The following SLC12A8 variants were observed in gnomAD, a reference collection of about 807,000 sequenced individuals.
SLC12A8 encodes the protein solute carrier family 12 member 8, also known as cation-chloride cotransporter 9.
A neutral mutation model predicts 75.6 loss-of-function variants in SLC12A8; 69 were observed. The ratio of observed to expected loss-of-function variants is 0.91; its 90% CI spans 0.75 to 1.11. SLC12A8 has a LOEUF of 1.11. Ranked by LOEUF, SLC12A8 falls within the 50% of genes most tolerant of loss-of-function variation. The pLI is 0.00. For missense variants in SLC12A8, 877 were observed against 896.7 expected, an observed-to-expected ratio of 0.98 and a Z score of 0.28; for synonymous variants, 365 against 372.8, an observed-to-expected ratio of 0.98 and a Z score of 0.24.
chr3:125,153,186 C>A (rs548265922), intron 5 of SLC12A8, among the ~76,000 whole-genome samples: 44 of 152,328 alleles, frequency 2.9e-4, no homozygotes, highest in African/African-American at 1.0e-3. Context: ...CCCAGTCAGT[C>A]ACTCAGCAAA....
At chr3:125,110,396 C>T (rs755540636) in intron 8 of SLC12A8, 61 bp from the exon 9 acceptor site, 2 of 1,553,570 alleles carry the variant, frequency 1.3e-6, no homozygotes, top group Non-Finnish European at 1.8e-6. Context: ...TTTCTACCCC[C>T]CCAGCACCCA....
At chr3:125,148,816 C>A (rs556639972) in intron 5 of SLC12A8, among the ~76,000 whole-genome samples, 1 of 152,328 alleles carries the variant, frequency 6.6e-6, no homozygotes, top group Non-Finnish European at 1.5e-5. Context: ...TACAGACCCA[C>A]CATCCTGCCT....
chr3:125,118,020 G>A (rs953110583), intron 8 of SLC12A8, among the ~76,000 whole-genome samples: 3 of 152,208 alleles, frequency 2.0e-5, no homozygotes, highest in Non-Finnish European at 2.9e-5. Context: ...GCTTCCGCCC[G>A]CTCCCTCCAC....
At chr3:125,142,452 G>T (rs1366320389) in intron 5 of SLC12A8, among the ~76,000 whole-genome samples, 1 of 152,196 alleles carries the variant, frequency 6.6e-6, no homozygotes, top group African/African-American at 2.4e-5. Flanking sequence ...GGATAGATTT[G>T]GGAGAAGTCC....
chr3:125,118,628 C>CA (rs1173612845), intron 8 of SLC12A8, 141 bp downstream of exon 8: 2 of 604,262 alleles, frequency 3.3e-6, no homozygotes, highest in South Asian at 2.1e-5. Flanking sequence ...GACCCTGTCT[C>CA]AAAAAATAAA....
chr3:125,097,101 T>C (rs1938731430), intron 10 of SLC12A8, among the ~76,000 whole-genome samples: 1 of 152,138 alleles, frequency 6.6e-6, no homozygotes, highest in Non-Finnish European at 1.5e-5. Flanking sequence ...GAAGGAACAC[T>C]AGGCCGGGCA....
Position 125,108,090 on chromosome 3 carries a change from G to A in SLC12A8, c.1096C>T (p.Leu366=), listed in dbSNP as rs1053630413. 1 of 1,613,936 alleles carries A rather than the reference G, an allele frequency of 6.2e-7. No homozygotes were observed. Among genetic ancestry groups the A allele is most frequent in the Non-Finnish European group, 8.5e-7 (1 of 1,179,936 alleles). ...PNKTPVAAIC[L]TSLVTMAFVF... ...AAGGCCATGGTCACCAAGCTGGTCAGGCAGATGGCAGCCACGGGTGTTTTG... is the reference window on the plus strand; with the variant it reads ...AAGGCCATGGTCACCAAGCTGGTCAAGCAGATGGCAGCCACGGGTGTTTTG... Residue 366 remains leucine (L), a synonymous_variant, in exon 10 of 14, where the codon CTG becomes TTG. Transcript: ENST00000469902.
chr3:125,153,748 C>T (rs1427835801), intron 5 of SLC12A8, among the ~76,000 whole-genome samples: 2 of 152,240 alleles, frequency 1.3e-5, no homozygotes, highest in Middle Eastern at 3.4e-3. Flanking sequence ...AAGCGATTCT[C>T]CTGCCTCACC....
intron 6 of SLC12A8, among the ~76,000 whole-genome samples, chr3:125,127,091 G>A (rs1055927041): frequency 2.0e-5 from 3 of 152,182 alleles, no homozygotes; most frequent in Admixed American, 2.0e-4. Context: ...AGGAGAGATG[G>A]GCTCTGCTCC....
In SLC12A8 at chr3:125,107,817, C is replaced by A. The variant is rs749289735; in HGVS notation, c.1369G>T (p.Glu457Ter). ...AQRVLEGTLL[E>*]FTKDMDQLLQ... Reference sequence around the variant, plus strand: ...AGCTGATCCATGTCCTTGGTGAATTCCAGTAGCGTGCCCTCCAAGACTCTT... The same window carrying A: ...AGCTGATCCATGTCCTTGGTGAATTACAGTAGCGTGCCCTCCAAGACTCTT... The change falls in exon 10 of 14, where the codon GAA becomes TAA. Residue 457 changes from glutamate (E) to a stop codon, truncating the protein, a stop_gained. Coordinates refer to ENST00000469902, the MANE Select transcript of SLC12A8 (RefSeq NM_024628.6). LOFTEE classifies it high-confidence loss of function. 21 of 1,614,150 alleles carry A rather than the reference C, an allele frequency of 1.3e-5. No homozygotes were observed. Among genetic ancestry groups the A allele is most frequent in the Non-Finnish European group, 3.4e-6 (4 of 1,180,040 alleles).
intron 6 of SLC12A8, among the ~76,000 whole-genome samples, chr3:125,132,525 AG>A (rs1933385330): frequency 6.6e-6 from 1 of 152,186 alleles, no homozygotes; most frequent in Admixed American, 6.5e-5. Context: ...GGAAAGAAAG[AG>A]GGAGGTCTGA....
chr3:125,174,592 T>C (rs1934480506), intron 5 of SLC12A8, among the ~76,000 whole-genome samples: 1 of 152,320 alleles, frequency 6.6e-6, no homozygotes, highest in East Asian at 1.9e-4. Flanking sequence ...TGTCCTTCAG[T>C]AGGTGAATGG....
chr3:125,140,092 G>A (rs1933591801), intron 5 of SLC12A8, among the ~76,000 whole-genome samples: 2 of 152,294 alleles, frequency 1.3e-5, no homozygotes, highest in Non-Finnish European at 2.9e-5. Context: ...GAGTGACATA[G>A]CCAATAATGT....
chr3:125,135,651 G>T lies in SLC12A8; in HGVS notation c.736+18C>A, dbSNP rs777421079. On this transcript the variant is annotated intron_variant, in intron 6 of 13. Coordinates refer to ENST00000469902, the MANE Select transcript of SLC12A8 (RefSeq NM_024628.6). ...ATACCCCTAATTTGAGAGTAAAAAAGAACCCAGATTACAATACCTGTAGCC... is the reference window on the plus strand; with the variant it reads ...ATACCCCTAATTTGAGAGTAAAAAATAACCCAGATTACAATACCTGTAGCC... The T allele has an allele frequency of 3.9e-6, 6 of 1,528,030 alleles. No individual in the cohort carries two copies. The highest frequency in any genetic ancestry group is 4.4e-6 in the Non-Finnish European group (5 of 1,125,632). 94.7% of individuals were successfully genotyped at this position (1,528,030 alleles called of 1,614,324 possible). A position where few individuals can be genotyped will look rare whatever the true frequency, so the allele number is the denominator to read the frequency against.
At chr3:125,119,254 G>A (rs1360039991) in intron 7 of SLC12A8, 1 of 157,570 alleles carries the variant, frequency 6.3e-6, no homozygotes, top group South Asian at 1.9e-4. Context: ...GGCATTCCGA[G>A]TAGGGAAGTG....
At chr3:125,115,939 G>A (rs557947990) in intron 8 of SLC12A8, among the ~76,000 whole-genome samples, 2 of 152,302 alleles carry the variant, frequency 1.3e-5, no homozygotes, top group African/African-American at 4.8e-5. Flanking sequence ...CAGGGTGGCC[G>A]GTTGTGTCAA....
At chr3:125,121,614 A>C (rs1451684289) in intron 6 of SLC12A8, among the ~76,000 whole-genome samples, 1 of 152,228 alleles carries the variant, frequency 6.6e-6, no homozygotes, top group Non-Finnish European at 1.5e-5. Context: ...TTCTCATAAC[A>C]ACCTCATCAG....
chr3:125,193,501 G>A (rs1934947056), intron 2 of SLC12A8, among the ~76,000 whole-genome samples: 1 of 152,250 alleles, frequency 6.6e-6, no homozygotes, highest in Non-Finnish European at 1.5e-5. Context: ...GGACTGGCTG[G>A]AGAACTCAAA....
At chr3:125,142,865 C>T (rs1031854712) in intron 5 of SLC12A8, among the ~76,000 whole-genome samples, 1 of 152,344 alleles carries the variant, frequency 6.6e-6, no homozygotes, top group African/African-American at 2.4e-5. Context: ...CAGTTGGTTT[C>T]CAATGGCAGA....
Sources: gnomAD v4.1 joint callset for allele counts (sites outside exome capture counted in the v4.1 genomes callset) on GRCh38, gnomAD v4.1.1 for gene constraint, MANE v1.5 for transcripts, NCBI Gene and HGNC (gene_info 2026-07-23, HGNC 2026-07-21) for gene names.